The following PLXNA4 variants were observed in gnomAD, a reference collection of about 807,000 sequenced individuals.
PLXNA4 encodes the protein plexin A4.
In PLXNA4, 44 loss-of-function variants were observed where a neutral mutation model predicts 191.8. The ratio of observed to expected loss-of-function variants is 0.23; its 90% CI spans 0.18 to 0.29. The LOEUF (loss-of-function observed/expected upper bound fraction) is 0.29, where lower values mean the gene tolerates loss of function less well. PLXNA4 is among the 10% of genes least tolerant of loss of function. The pLI is 1.00. For missense variants in PLXNA4, 1,800 were observed against 2,488.8 expected, an observed-to-expected ratio of 0.72 and a Z score of 5.89; for synonymous variants, 1,082 against 1,009.5, an observed-to-expected ratio of 1.07 and a Z score of -1.36.
Position 132,557,973 on chromosome 7 carries a change from G to T in PLXNA4, c.-87+18449C>A, listed in dbSNP as rs78634478. The stretch of plus-strand genomic sequence containing the variant: ...AGACAATCAAACAACCTTATGTTGG[G>T]TCCAGAGGGAACTGCAAATGTGTCT... On this transcript the variant is annotated intron_variant, in intron 1 of 31. Transcript: ENST00000321063. Among the ~76,000 whole-genome samples the T allele has an allele frequency of 5.9e-3, 904 of 152,266 alleles. 9 individuals are homozygous for T. The highest frequency in any genetic ancestry group is 0.021 in the African/African-American group (855 of 41,546).
chr7:132,613,772 C>G (rs973132425), intron 2 of PLXNA4, among the ~76,000 whole-genome samples: 1 of 152,074 alleles, frequency 6.6e-6, no homozygotes, highest in African/African-American at 2.4e-5. Flanking sequence ...CAAGGACCTA[C>G]AGTATAACAC....
At chr7:132,213,284 G>T (rs560808728) in intron 9 of PLXNA4, among the ~76,000 whole-genome samples, 1 of 152,336 alleles carries the variant, frequency 6.6e-6, no homozygotes, top group South Asian at 2.1e-4. Context: ...GCCTCAGTTG[G>T]GGATGGTGGT....
chr7:132,558,717 A>G (rs1431522804), intron 1 of PLXNA4, among the ~76,000 whole-genome samples: 1 of 152,240 alleles, frequency 6.6e-6, no homozygotes, highest in Non-Finnish European at 1.5e-5. Context: ...CCAATTTGAC[A>G]TCATGCACAT....
In PLXNA4 at chr7:132,198,629, G is replaced by T; in HGVS notation, c.2594C>A (p.Pro865Gln). The stretch of plus-strand genomic sequence containing the variant: ...GCCCCCTTCCCGGGGGCCTGTCACC[G>T]GGATTATCTGGAGGGAGGAAGAGAA... ...CTNPRITEII[P>Q]VTGPREGGTK... The change falls in exon 13 of 32, where the codon CCG (proline) becomes CAG (glutamine). Residue 865 changes from proline (P) to glutamine (Q), a missense_variant. Pro to Gln is a moderately conservative substitution (Grantham distance 76). This residue lies in a region of PLXNA4 where 1,397 missense variants were observed against 1,880.4 expected (regional missense o/e 0.74). Coordinates refer to ENST00000321063, the MANE Select transcript of PLXNA4 (RefSeq NM_020911.2). 6.2e-7 allele frequency: 1 copy of T among 1,614,066 alleles called. No homozygotes were observed. The highest frequency in any genetic ancestry group is 8.5e-7 in the Non-Finnish European group (1 of 1,180,014).
intron 9 of PLXNA4, among the ~76,000 whole-genome samples, chr7:132,214,326 C>T (rs977165693): frequency 6.6e-6 from 1 of 152,246 alleles, no homozygotes; most frequent in South Asian, 2.1e-4. Flanking sequence ...TCTAATGAGT[C>T]CTGATTATCG....
In PLXNA4 at chr7:132,132,435, CTGTTCTGTTCTGTTCTGT is replaced by C. The variant is rs1563048115; in HGVS notation, c.5589+596_5589+613del. ...CTGTTCTGTTCTGTTCTGTTCTGTT[CTGTTCTGTTCTGTTCTGT>C]TCTGTTCTGTTCTGCTCTGCTCTGC... On this transcript the variant is annotated intron_variant, in intron 31 of 31. Coordinates refer to ENST00000321063, the MANE Select transcript of PLXNA4 (RefSeq NM_020911.2). Among the ~76,000 whole-genome samples the C allele has an allele frequency of 3.2e-3, 247 of 76,092 alleles. 6 individuals are homozygous for C. The highest frequency in any genetic ancestry group is 0.031 in the South Asian group (49 of 1,598). 49.9% of individuals were successfully genotyped at this position (76,092 alleles called of 152,430 possible). A position where few individuals can be genotyped will look rare whatever the true frequency, so the allele number is the denominator to read the frequency against.
chr7:132,485,847 C>T (rs909937175), intron 3 of PLXNA4, among the ~76,000 whole-genome samples: 1 of 152,172 alleles, frequency 6.6e-6, no homozygotes, highest in African/African-American at 2.4e-5. Flanking sequence ...CACCTCCTTT[C>T]CCCCCGCTTC....
intron 4 of PLXNA4, chr7:132,264,287 C>A (rs2116273848): frequency 6.6e-6 from 1 of 152,350 alleles, no homozygotes; most frequent in South Asian, 2.1e-4. Flanking sequence ...GCTCCCTCTA[C>A]TTTCTCTGCA....
chr7:132,594,583 G>A (rs956768431), intron 2 of PLXNA4, among the ~76,000 whole-genome samples: 7 of 152,184 alleles, frequency 4.6e-5, no homozygotes, highest in Admixed American at 2.6e-4. Context: ...TTGAAGTCCC[G>A]CAACTTCGTG....
intron 3 of PLXNA4, among the ~76,000 whole-genome samples, chr7:132,400,648 C>T (rs533344141): frequency 5.3e-5 from 8 of 152,272 alleles, no homozygotes; most frequent in Non-Finnish European, 1.0e-4. Context: ...GAGAAGCCTC[C>T]AGGGGTACCA....
At chr7:132,441,316 A>T (rs181878258) in intron 3 of PLXNA4, among the ~76,000 whole-genome samples, 52 of 152,326 alleles carry the variant, frequency 3.4e-4, no homozygotes, top group Admixed American at 8.5e-4. Context: ...CTTGGACAAG[A>T]TGCTTCCCTT....
intron 18 of PLXNA4, among the ~76,000 whole-genome samples, 188 bp downstream of exon 18, chr7:132,181,193 C>A (rs566714413): frequency 3.3e-5 from 5 of 152,120 alleles, no homozygotes; most frequent in South Asian, 2.1e-4. Context: ...TGGGTAGAAC[C>A]GGCCCCTAAA....
At position 132,203,303 on chromosome 7, in the gene PLXNA4, AGGCCCCAGCC is replaced by A; in HGVS notation, c.2395+10_2395+19del. ...CATCCCTTCCCCTCCCTCCCCTGCT[AGGCCCCAGCC>A]CTTCCACACCTTTATTCTGAGCTGG... On this transcript the variant is annotated intron_variant, in intron 11 of 31. Coordinates refer to ENST00000321063, the MANE Select transcript of PLXNA4 (RefSeq NM_020911.2). 9.3e-6 allele frequency: 13 copies of A among 1,402,028 alleles called. No individual in the cohort carries two copies. Among genetic ancestry groups the A allele is most frequent in the Non-Finnish European group, 1.3e-5 (13 of 1,029,432 alleles). 86.8% of individuals were successfully genotyped at this position (1,402,028 alleles called of 1,614,324 possible).
intron 3 of PLXNA4, among the ~76,000 whole-genome samples, chr7:132,480,630 G>A (rs2117474258): frequency 6.6e-6 from 1 of 151,964 alleles, no homozygotes; most frequent in East Asian, 1.9e-4. Context: ...CTCTAGGAGG[G>A]ACAATTCCGG....
At chr7:132,563,650 C>CTCT (rs1801497973) in intron 1 of PLXNA4, among the ~76,000 whole-genome samples, 2 of 124,746 alleles carry the variant, frequency 1.6e-5, no homozygotes, top group Non-Finnish European at 3.4e-5. Flanking sequence ...CCTCCTCCTT[C>CTCT]TCCTCTTCCT....
chr7:132,310,977 C>G (rs954371138), intron 3 of PLXNA4, among the ~76,000 whole-genome samples: 18 of 152,290 alleles, frequency 1.2e-4, no homozygotes, highest in Admixed American at 1.2e-3. Context: ...TCCTCATCCC[C>G]TTGGGAAGCA....
chr7:132,131,207 T>C (rs926917729), intron 31 of PLXNA4, among the ~76,000 whole-genome samples: 3 of 152,128 alleles, frequency 2.0e-5, no homozygotes, highest in Non-Finnish European at 4.4e-5. Context: ...CAGAGGACAA[T>C]GACAGCCAGC....
intron 15 of PLXNA4, among the ~76,000 whole-genome samples, chr7:132,186,519 C>T (rs1380381669): frequency 1.3e-5 from 2 of 152,202 alleles, no homozygotes; most frequent in African/African-American, 4.8e-5. Context: ...GACAGGTCTC[C>T]AGACTGAGCC....
At chr7:132,601,227 A>G (rs1802813222) in intron 2 of PLXNA4, among the ~76,000 whole-genome samples, 1 of 152,164 alleles carries the variant, frequency 6.6e-6, no homozygotes, top group South Asian at 2.1e-4. Flanking sequence ...GTAAAAAAAT[A>G]CATATCTATT....
Sources: gnomAD v4.1 joint callset for allele counts (sites outside exome capture counted in the v4.1 genomes callset) on GRCh38, gnomAD v4.1.1 for gene constraint, gnomAD v4.1.1 regional missense constraint, MANE v1.5 for transcripts, NCBI Gene and HGNC (gene_info 2026-07-23, HGNC 2026-07-21) for gene names.